The following NRCAM variants were observed in gnomAD, a reference collection of about 807,000 sequenced individuals.
NRCAM encodes the protein neuronal cell adhesion molecule, also known as NgCAM-related cell adhesion molecule.
A neutral mutation model predicts 156.5 loss-of-function variants in NRCAM; 83 were observed. The ratio of observed to expected loss-of-function variants is 0.53; its 90% CI spans 0.44 to 0.64. NRCAM has a LOEUF of 0.64. Among genes scored for constraint, NRCAM ranks in the 30% least tolerant of loss-of-function variants. NRCAM has a pLI of 0.00. For missense variants in NRCAM, 1,417 were observed against 1,597.3 expected (o/e 0.89, Z 1.92); for synonymous variants, 538 against 563.9 (o/e 0.95, Z 0.65).
chr7:108,456,646 T>A (rs1857685875), upstream of NRCAM: 3 of 152,126 alleles, frequency 2.0e-5, no homozygotes, highest in African/African-American at 4.8e-5. Context: ...CGCCGGCGCC[T>A]CGAGGGACTG....
In NRCAM at chr7:108,181,903, A is replaced by G. The variant is rs751533920; in HGVS notation, c.2565T>C (p.Asn855=). ...PMVAPGNVRV[N]VVNSTLAEVH... is the part of the protein sequence containing the mutation. ...CCTCGGCTAAGGTACTGTTCACCAC[A>G]TTCACACGCACGTTCCCAGGAGCCA... is the stretch of plus-strand genomic sequence containing the variant. Residue 855 remains asparagine (N), a synonymous_variant, in exon 24 of 33, where the codon AAT becomes AAC. Coordinates refer to ENST00000379028, the MANE Select transcript of NRCAM (RefSeq NM_001037132.4). The G allele has an allele frequency of 2.7e-5, 44 of 1,614,016 alleles. No homozygotes were observed. In the African/African-American group the frequency reaches 5.5e-4, roughly 20 times the overall value.
At chr7:108,311,830 T>C (rs2098807848) in intron 3 of NRCAM, among the ~76,000 whole-genome samples, 1 of 152,242 alleles carries the variant, frequency 6.6e-6, no homozygotes, top group Non-Finnish European at 1.5e-5. Context: ...CAAAATCTTG[T>C]ATACAATCTT....
chr7:108,260,305 G>C (rs1334043551), intron 3 of NRCAM, among the ~76,000 whole-genome samples: 1 of 152,188 alleles, frequency 6.6e-6, no homozygotes, highest in Non-Finnish European at 1.5e-5. Flanking sequence ...GTTCATCTCT[G>C]TACTCACAGT....
chr7:108,387,470 A>G (rs983721146), intron 2 of NRCAM, among the ~76,000 whole-genome samples: 6 of 152,122 alleles, frequency 3.9e-5, no homozygotes, highest in African/African-American at 1.2e-4. Flanking sequence ...AACGTTTCCT[A>G]TGTTCCAGGC....
chr7:108,313,095 T>A (rs1038705563), intron 2 of NRCAM: 4 of 152,124 alleles, frequency 2.6e-5, no homozygotes, highest in Admixed American at 6.5e-5. Flanking sequence ...TAAATTTTTT[T>A]ATTTGGTAGC....
At chr7:108,150,828 A>G (rs550570330) in intron 32 of NRCAM, 20 of 436,264 alleles carry the variant, frequency 4.6e-5, no homozygotes, top group Non-Finnish European at 7.3e-5. Context: ...ATTTTAGTTA[A>G]TGAGTAAAGA....
chr7:108,408,886 G>A (rs1319680843), intron 1 of NRCAM, among the ~76,000 whole-genome samples: 2 of 152,158 alleles, frequency 1.3e-5, no homozygotes, highest in Non-Finnish European at 2.9e-5. Flanking sequence ...CTGTAGAGGC[G>A]GGGCGGGTAG....
At chr7:108,213,028 C>G (rs2085568886) in intron 11 of NRCAM, among the ~76,000 whole-genome samples, 1 of 152,088 alleles carries the variant, frequency 6.6e-6, no homozygotes, top group African/African-American at 2.4e-5. Flanking sequence ...GAACACCTAT[C>G]AGATTAACAG....
intron 1 of NRCAM, among the ~76,000 whole-genome samples, chr7:108,444,101 T>C (rs1266475892): frequency 1.3e-5 from 2 of 152,164 alleles, no homozygotes; most frequent in African/African-American, 4.8e-5. Context: ...AATGCAACAA[T>C]TTAAAATAAT....
At chr7:108,448,450 G>A (rs545151944) in intron 1 of NRCAM, among the ~76,000 whole-genome samples, 4 of 152,308 alleles carry the variant, frequency 2.6e-5, no homozygotes, top group Middle Eastern at 3.4e-3. Context: ...CATTTAAGCA[G>A]TCAAAGATGC....
At position 108,184,470 on chromosome 7, in the gene NRCAM, A is replaced by G; in HGVS notation, c.2180T>C (p.Ile727Thr). The part of the protein sequence containing the change: ...YSFRVMAVNS[I>T]GKSLPSEASE... ...CGCCTCGCTGGGCAAGCTCTTCCCA[A>G]TGCTGTTCACTGCCATCACGCGGAA... is the stretch of plus-strand genomic sequence containing the variant. The change falls in exon 21 of 33, where the codon ATT becomes ACT. Residue 727 changes from isoleucine to threonine, a missense_variant. By Grantham distance (89) the Ile-to-Thr change is moderately conservative. Around this residue, in one of 2 missense-constraint regions of NRCAM, gnomAD observed 1,238 missense variants for 1,336.4 expected, o/e 0.93. Transcript: ENST00000379028. The G allele has an allele frequency of 6.2e-7, 1 of 1,614,192 alleles. No homozygotes were observed. Among genetic ancestry groups the G allele is most frequent in the Non-Finnish European group, 8.5e-7 (1 of 1,180,030 alleles).
intron 1 of NRCAM, among the ~76,000 whole-genome samples, chr7:108,442,356 A>C (rs943090430): frequency 6.6e-6 from 1 of 152,048 alleles, no homozygotes; most frequent in Middle Eastern, 3.4e-3. Flanking sequence ...GATTGGCCCC[A>C]CTCCTAACTG....
chr7:108,246,824 TG>T (rs945363618), intron 3 of NRCAM, among the ~76,000 whole-genome samples: 1 of 152,238 alleles, frequency 6.6e-6, no homozygotes, highest in Non-Finnish European at 1.5e-5. Flanking sequence ...ACTGTTGCAT[TG>T]GTGGCCCCAG....
rs1489130660 is a variant in NRCAM, at chr7:108,240,040, T to C, written c.25A>G (p.Lys9Glu). The C allele has an allele frequency of 6.2e-7, 1 of 1,613,170 alleles. No homozygotes were observed. The highest frequency in any genetic ancestry group is 1.1e-5 in the South Asian group (1 of 91,038). ...ACTCTGCCCGCAGATAAGCGCTTCT[T>C]TTTCGGCATTATTTTAAGCTGCATT... Reference protein sequence around the residue: MQLKIMPKKKRLSAGRVPL... With the variant: MQLKIMPKEKRLSAGRVPL... Residue 9 changes from lysine to glutamate, a missense_variant, in exon 4 of 33, where the codon AAG (lysine) becomes GAG (glutamate). Lys to Glu is a moderately conservative substitution (Grantham distance 56). Transcript: ENST00000379028.
chr7:108,231,272 A>C, intron 7 of NRCAM, 119 bp from the exon 8 acceptor site: 2 of 642,308 alleles, frequency 3.1e-6, no homozygotes, highest in East Asian at 3.2e-5. Context: ...ATGTACACTA[A>C]ATTAATGAGA....
intron 11 of NRCAM, among the ~76,000 whole-genome samples, chr7:108,212,557 C>A (rs550239497): frequency 2.0e-5 from 3 of 152,162 alleles, no homozygotes; most frequent in Non-Finnish European, 4.4e-5. Context: ...AAAAAACAAT[C>A]AAAACTTCAG....
At chr7:108,156,721 A>C (rs890690662) in intron 32 of NRCAM, 1 of 152,178 alleles carries the variant, frequency 6.6e-6, no homozygotes, top group Non-Finnish European at 1.5e-5. Flanking sequence ...GTGTCTGGTC[A>C]GCATAATAAT....
chr7:108,260,458 A>G (rs936696617), intron 3 of NRCAM, among the ~76,000 whole-genome samples: 1 of 152,172 alleles, frequency 6.6e-6, no homozygotes, highest in Non-Finnish European at 1.5e-5. Context: ...TGGAGAGCCA[A>G]TATGGAGGAG....
chr7:108,390,732 A>G (rs2099757028), intron 2 of NRCAM, among the ~76,000 whole-genome samples: 1 of 152,176 alleles, frequency 6.6e-6, no homozygotes, highest in South Asian at 2.1e-4. Flanking sequence ...TTCCCTCTAC[A>G]CACTGCTTTA....
Sources: gnomAD v4.1 joint callset for allele counts (sites outside exome capture counted in the v4.1 genomes callset) on GRCh38, gnomAD v4.1.1 for gene constraint, gnomAD v4.1.1 regional missense constraint, MANE v1.5 for transcripts, NCBI Gene and HGNC (gene_info 2026-07-23, HGNC 2026-07-21) for gene names.